The following ZNF251 variants were observed in gnomAD, a reference collection of about 807,000 sequenced individuals.
ZNF251 encodes the protein zinc finger protein 251.
A neutral mutation model predicts 13.5 loss-of-function variants in ZNF251; 14 were observed. That is an observed-to-expected ratio of 1.04 (90% confidence interval 0.69 to 1.63). ZNF251 has a LOEUF of 1.63. ZNF251 is among the 40% of genes most tolerant of loss of function. ZNF251 has a pLI of 0.00. For synonymous variants in ZNF251, 287 were observed against 295.2 expected (o/e 0.97, Z 0.28); for missense variants, 764 against 834.9 (o/e 0.92, Z 1.05).
intron 4 of ZNF251, among the ~76,000 whole-genome samples, chr8:144,750,774 C>G (rs761704478): frequency 6.6e-5 from 10 of 151,776 alleles, no homozygotes; most frequent in African/African-American, 2.4e-4. Context: ...ATCTGGCCAC[C>G]GGTTCCCTGG....
chr8:144,750,753 T>C (rs1824652950), intron 4 of ZNF251, among the ~76,000 whole-genome samples: 1 of 152,146 alleles, frequency 6.6e-6, no homozygotes, highest in Non-Finnish European at 1.5e-5. Flanking sequence ...AGTTACATTT[T>C]AGGCTTACCC....
At chr8:144,750,685 C>T (rs1824649809) in intron 4 of ZNF251, among the ~76,000 whole-genome samples, 1 of 152,070 alleles carries the variant, frequency 6.6e-6, no homozygotes. Flanking sequence ...CTCCCATGAC[C>T]GGGTCCCCCT....
In ZNF251 at chr8:144,754,473, G is replaced by A. The variant is rs1824859909; in HGVS notation, c.34-152C>T. On this transcript the variant is annotated intron_variant, in intron 2 of 4. Coordinates refer to ENST00000292562, the MANE Select transcript of ZNF251 (RefSeq NM_138367.2). ...CAGGTCCCTGATGGGGCAGCTGAGAGCGCTGAGGACCAGCCAACTTCAGCT... is the reference window on the plus strand; with the variant it reads ...CAGGTCCCTGATGGGGCAGCTGAGAACGCTGAGGACCAGCCAACTTCAGCT... 4 of 1,445,234 alleles carry A rather than the reference G, an allele frequency of 2.8e-6. No homozygotes were observed. The South Asian group carries it at 6.0e-5, about 22-fold the overall frequency. 89.5% of individuals were successfully genotyped at this position (1,445,234 alleles called of 1,614,324 possible).
Position 144,722,011 on chromosome 8 carries a change from C to A in ZNF251, c.1649G>T (p.Gly550Val). The part of the protein sequence containing the change: ...GEKHGRAFNH[G>V]ANLILRWTVH... ...TGTCCAGCGCAGAATGAGATTTGCACCATGGTTAAAGGCTCTGCCGTGCTT... is the reference window on the plus strand; with the variant it reads ...TGTCCAGCGCAGAATGAGATTTGCAACATGGTTAAAGGCTCTGCCGTGCTT... Residue 550 changes from glycine (G) to valine (V), a missense_variant, in exon 5 of 5, where the codon GGT (glycine) becomes GTT (valine). Transcript: ENST00000292562. This position sits in a 1 kb window ranked among gnomAD's most constrained non-coding sequence, Gnocchi z 4.8. The A allele has an allele frequency of 6.3e-7, 1 of 1,597,304 alleles. No individual in the cohort carries two copies.
At position 144,721,621 on chromosome 8, in the gene ZNF251, A is replaced by C; in HGVS notation, c.*23T>G. On this transcript the variant is annotated 3_prime_UTR_variant, in exon 5 of 5. Coordinates refer to ENST00000292562, the MANE Select transcript of ZNF251 (RefSeq NM_138367.2). ...TCTAATGTCAAGTGAACAGTTGCTA[A>C]ACTGTCTTCTGCATTTATCACATTA... 1 of 1,325,774 alleles carries C rather than the reference A, an allele frequency of 7.5e-7. No homozygotes were observed. The highest frequency in any genetic ancestry group is 9.7e-7 in the Non-Finnish European group (1 of 1,027,728). 82.1% of individuals were successfully genotyped at this position (1,325,774 alleles called of 1,614,324 possible). A position where few individuals can be genotyped will look rare whatever the true frequency, so the allele number is the denominator to read the frequency against.
intron 4 of ZNF251, among the ~76,000 whole-genome samples, chr8:144,735,628 C>G (rs1272805167): frequency 6.6e-6 from 1 of 152,098 alleles, no homozygotes; most frequent in Non-Finnish European, 1.5e-5. Context: ...GTGGGAAGGA[C>G]GGGCGCACTC....
intron 4 of ZNF251, among the ~76,000 whole-genome samples, chr8:144,727,927 C>T (rs910173525): frequency 3.9e-5 from 6 of 152,210 alleles, no homozygotes; most frequent in African/African-American, 7.2e-5. Flanking sequence ...ATCCTCCTGT[C>T]TCAGCCTCCT....
Position 144,754,717 on chromosome 8 carries a change from T to A in ZNF251, c.12A>T (p.Thr4=), listed in dbSNP as rs377002963. ...TCACCTGGTGCCCTGGAAGCTGGAA[T>A]GTGGCTGCCATTCTGTGTGCATGGG... is the stretch of plus-strand genomic sequence containing the variant. MAA[T]FQLPGHQEMP... is the part of the protein sequence containing the mutation. The change falls in exon 2 of 5, where the codon ACA becomes ACT. Residue 4 remains threonine, a synonymous_variant. Transcript: ENST00000292562. The A allele has an allele frequency of 6.2e-6, 10 of 1,612,060 alleles. No individual in the cohort carries two copies. Among genetic ancestry groups the A allele is most frequent in the Non-Finnish European group, 8.5e-6 (10 of 1,179,194 alleles).
chr8:144,754,405 A>G lies in ZNF251; in HGVS notation c.34-84T>C, dbSNP rs1824854737. On this transcript the variant is annotated intron_variant, in intron 2 of 4. Transcript: ENST00000292562. Reference sequence around the variant, plus strand: ...AAGGGCCCTGACCTGGTGGGGCCCCACTACCCAGGGCCCTGCTGTGGTCAG... The same window carrying G: ...AAGGGCCCTGACCTGGTGGGGCCCCGCTACCCAGGGCCCTGCTGTGGTCAG... The G allele has an allele frequency of 2.0e-6, 3 of 1,478,952 alleles. No individual in the cohort carries two copies. In the Admixed American group the frequency reaches 7.3e-5, roughly 36 times the overall value. 91.6% of individuals were successfully genotyped at this position (1,478,952 alleles called of 1,614,324 possible). A position where few individuals can be genotyped will look rare whatever the true frequency, so the allele number is the denominator to read the frequency against.
chr8:144,725,340 G>A (rs1225043980), intron 4 of ZNF251, among the ~76,000 whole-genome samples: 1 of 150,900 alleles, frequency 6.6e-6, no homozygotes, highest in Admixed American at 6.6e-5. Context: ...CAGGGGCTTG[G>A]AGTACAGTGT....
intron 4 of ZNF251, among the ~76,000 whole-genome samples, chr8:144,744,656 T>C (rs1824333615): frequency 6.6e-6 from 1 of 152,168 alleles, no homozygotes; most frequent in Non-Finnish European, 1.5e-5. Flanking sequence ...CTCTCCACCA[T>C]GTGAGGACAC....
At chr8:144,729,090 A>G (rs1283831037) in intron 4 of ZNF251, among the ~76,000 whole-genome samples, 11 of 33,216 alleles carry the variant, frequency 3.3e-4, no homozygotes, top group East Asian at 2.9e-3. Context: ...CCATCTATGG[A>G]AAAAAAAAAA....
At chr8:144,724,901 C>T (rs942051647) in intron 4 of ZNF251, among the ~76,000 whole-genome samples, 8 of 152,178 alleles carry the variant, frequency 5.3e-5, no homozygotes, top group South Asian at 4.1e-4. Flanking sequence ...TAGTACAAGT[C>T]GGTGAAGCCA....
At chr8:144,747,180 A>T (rs760595052) in intron 4 of ZNF251, among the ~76,000 whole-genome samples, 5 of 152,148 alleles carry the variant, frequency 3.3e-5, no homozygotes, top group Non-Finnish European at 7.4e-5. Flanking sequence ...ACTTAATTCA[A>T]AATATTCTAA....
chr8:144,752,937 A>G lies in ZNF251; in HGVS notation c.277+746T>C, dbSNP rs145115298. On this transcript the variant is annotated intron_variant, in intron 4 of 4. Transcript: ENST00000292562. The stretch of plus-strand genomic sequence containing the variant: ...GTCAAAGATAATACTTACAGCTGAC[A>G]TATCAAGTAGTAGATGTATATTCAA... 5.1e-3 allele frequency among the ~76,000 whole-genome samples: 783 copies of G among 152,272 alleles called. 6 individuals are homozygous for G. Among genetic ancestry groups the G allele is most frequent in the African/African-American group, 0.018 (755 of 41,542 alleles).
At chr8:144,735,068 G>A (rs1023697834) in intron 4 of ZNF251, among the ~76,000 whole-genome samples, 5 of 149,386 alleles carry the variant, frequency 3.3e-5, no homozygotes, top group Non-Finnish European at 5.9e-5. Context: ...GCAAGACTCC[G>A]TCTCAAAAAA....
At chr8:144,755,006 C>A in intron 1 of ZNF251, 1 of 1,388,290 alleles carries the variant, frequency 7.2e-7, no homozygotes, top group Non-Finnish European at 9.3e-7. Context: ...TCCAGGGACG[C>A]CCGGCTAAGG....
In ZNF251 at chr8:144,755,425, A is replaced by C. The variant is rs972045914; in HGVS notation, c.-96T>G. ...CCCACCTGTTTGCTCGACCCGGGGAAGCCACCGAGGAAGCGCCGAGGAGCT... is the reference window on the plus strand; with the variant it reads ...CCCACCTGTTTGCTCGACCCGGGGACGCCACCGAGGAAGCGCCGAGGAGCT... On this transcript the variant is annotated 5_prime_UTR_variant, in exon 1 of 5. Transcript: ENST00000292562. 1.3e-5 allele frequency: 17 copies of C among 1,288,054 alleles called. No homozygotes were observed. Among genetic ancestry groups the C allele is most frequent in the Middle Eastern group, 2.8e-4 (1 of 3,584 alleles). The allele number at this position is 1,288,054 out of a possible 1,614,324, so 79.8% of individuals were successfully genotyped here.
chr8:144,742,848 T>C (rs890652004), intron 4 of ZNF251, among the ~76,000 whole-genome samples: 1 of 152,188 alleles, frequency 6.6e-6, no homozygotes, highest in African/African-American at 2.4e-5. Context: ...GTTCCACAGC[T>C]GGCCTTTCAG....
Sources: gnomAD v4.1 joint callset for allele counts (sites outside exome capture counted in the v4.1 genomes callset) on GRCh38, gnomAD v4.1.1 for gene constraint, Gnocchi (gnomAD v3.1) non-coding constraint, MANE v1.5 for transcripts, NCBI Gene and HGNC (gene_info 2026-07-23, HGNC 2026-07-21) for gene names.